TRAPPC9: variants seen among roughly 807,000 people sequenced by gnomAD.
TRAPPC9 encodes the protein IKK2 binding protein.
TRAPPC9 carries 83 observed loss-of-function variants against 124.0 expected under a neutral mutation model. That is an observed-to-expected ratio of 0.67 (90% confidence interval 0.56 to 0.80). TRAPPC9 has a LOEUF of 0.80. Among genes scored for constraint, TRAPPC9 ranks in the 30% least tolerant of loss-of-function variants. The probability of loss-of-function intolerance (pLI) is 0.00; values close to 1 mark genes in which losing one functional copy is unlikely to be tolerated. For synonymous variants in TRAPPC9, 638 were observed against 617.5 expected (o/e 1.03, Z -0.49); for missense variants, 1,302 against 1,508.3 (o/e 0.86, Z 2.27).
At chr8:140,036,066 C>T (rs921722660) in intron 17 of TRAPPC9, among the ~76,000 whole-genome samples, 7 of 152,168 alleles carry the variant, frequency 4.6e-5, no homozygotes, top group African/African-American at 9.7e-5. Context: ...ACACTGGCTA[C>T]GAGGGTCCAT....
intron 19 of TRAPPC9, among the ~76,000 whole-genome samples, chr8:139,982,370 G>C (rs1338154007): frequency 1.3e-5 from 2 of 152,146 alleles, no homozygotes; most frequent in African/African-American, 4.8e-5. Flanking sequence ...GCATGCCCCT[G>C]GTGGGTCTCG....
chr8:140,383,113 G>C (rs566000572), intron 7 of TRAPPC9, among the ~76,000 whole-genome samples: 2 of 152,242 alleles, frequency 1.3e-5, no homozygotes, highest in African/African-American at 2.4e-5. Flanking sequence ...CTGACTGTTA[G>C]AAGGAAAACT....
At chr8:139,915,058 G>A (rs184506139) in intron 19 of TRAPPC9, among the ~76,000 whole-genome samples, 7 of 152,354 alleles carry the variant, frequency 4.6e-5, no homozygotes, top group African/African-American at 1.7e-4. Context: ...GAAAAGGCCA[G>A]TGAGGAAACC....
intron 17 of TRAPPC9, among the ~76,000 whole-genome samples, chr8:140,057,353 T>G (rs539795267): frequency 6.6e-6 from 1 of 152,206 alleles, no homozygotes; most frequent in Non-Finnish European, 1.5e-5. Flanking sequence ...TCCAAAAGAA[T>G]TGAAATCAGG....
chr8:139,859,081 G>T (rs1587005055), intron 21 of TRAPPC9, among the ~76,000 whole-genome samples: 1 of 151,440 alleles, frequency 6.6e-6, no homozygotes. Context: ...TCTAGGAGTG[G>T]CGTGGAGGCC....
intron 16 of TRAPPC9, among the ~76,000 whole-genome samples, chr8:140,238,744 C>A (rs187967992): frequency 1.3e-5 from 2 of 152,188 alleles, no homozygotes; most frequent in Non-Finnish European, 2.9e-5. Flanking sequence ...AACAACAATG[C>A]GCCCCTCTTG....
chr8:140,397,872 C>T, intron 6 of TRAPPC9, 127 bp from the exon 7 acceptor site: 2 of 1,228,394 alleles, frequency 1.6e-6, no homozygotes, highest in East Asian at 4.8e-5. Context: ...CTCCAGATAC[C>T]CCTCCTGATA....
At chr8:140,308,406 G>T (rs999317501) in intron 10 of TRAPPC9, among the ~76,000 whole-genome samples, 1 of 151,384 alleles carries the variant, frequency 6.6e-6, no homozygotes, top group Non-Finnish European at 1.5e-5. Flanking sequence ...CTGAGGTTCC[G>T]TGGGTTTACC....
intron 17 of TRAPPC9, among the ~76,000 whole-genome samples, chr8:140,203,337 G>T (rs1318536371): frequency 2.0e-5 from 3 of 152,202 alleles, no homozygotes; most frequent in African/African-American, 7.2e-5. Context: ...CTCTGGGCAG[G>T]AGGAATGTGA....
chr8:139,810,524 C>T (rs185241298), intron 21 of TRAPPC9, among the ~76,000 whole-genome samples: 5 of 152,288 alleles, frequency 3.3e-5, no homozygotes, highest in Admixed American at 2.6e-4. Flanking sequence ...AGGGCTCCCC[C>T]ATCCCCTGAG....
At chr8:139,841,904 A>C (rs1423003539) in intron 21 of TRAPPC9, among the ~76,000 whole-genome samples, 1 of 152,222 alleles carries the variant, frequency 6.6e-6, no homozygotes, top group African/African-American at 2.4e-5. Context: ...GCCACAGGAC[A>C]ATGTCCAGGT....
At chr8:140,389,683 C>T (rs1441780659) in intron 7 of TRAPPC9, among the ~76,000 whole-genome samples, 1 of 152,140 alleles carries the variant, frequency 6.6e-6, no homozygotes, top group African/African-American at 2.4e-5. Context: ...TAATATTCAG[C>T]TCAGCTCTAA....
At chr8:140,195,584 T>C (rs1587899294) in intron 17 of TRAPPC9, among the ~76,000 whole-genome samples, 1 of 150,870 alleles carries the variant, frequency 6.6e-6, no homozygotes. Context: ...ACTGTACAGA[T>C]CACACCTGTG....
intron 9 of TRAPPC9, among the ~76,000 whole-genome samples, chr8:140,344,457 C>T (rs561559432): frequency 6.6e-6 from 1 of 152,294 alleles, no homozygotes; most frequent in Admixed American, 6.5e-5. Context: ...GCCCCTGTCA[C>T]ACAGTGCTCC....
chr8:140,076,081 C>T (rs1843489780), intron 17 of TRAPPC9, among the ~76,000 whole-genome samples: 1 of 152,212 alleles, frequency 6.6e-6, no homozygotes, highest in Non-Finnish European at 1.5e-5. Context: ...GAGGTGCTAT[C>T]ACGATCCCCA....
intron 9 of TRAPPC9, among the ~76,000 whole-genome samples, chr8:140,320,274 C>A (rs1481459338): frequency 1.3e-5 from 2 of 152,166 alleles, no homozygotes; most frequent in Non-Finnish European, 2.9e-5. Context: ...AGGGCTTTGT[C>A]CCCTGGTGTC....
At chr8:140,309,335 G>A (rs6997950) in intron 10 of TRAPPC9, among the ~76,000 whole-genome samples, 1,804 of 152,314 alleles carry the variant, frequency 0.012, 44 homozygotes, top group African/African-American at 0.042. Context: ...GCTTAAAGAT[G>A]AAGAAAACGA....
At chr8:139,748,499 G>A (rs947391736) in intron 21 of TRAPPC9, among the ~76,000 whole-genome samples, 2 of 150,242 alleles carry the variant, frequency 1.3e-5, no homozygotes, top group Non-Finnish European at 3.0e-5. Context: ...CAGGTAGGGG[G>A]GGCATACAGG....
intron 19 of TRAPPC9, among the ~76,000 whole-genome samples, chr8:139,967,166 G>A (rs752723970): frequency 5.9e-5 from 9 of 152,158 alleles, no homozygotes; most frequent in Non-Finnish European, 1.3e-4. Flanking sequence ...AGAGCATAAT[G>A]GAAGTCACAC....
Sources: gnomAD v4.1 joint callset for allele counts (sites outside exome capture counted in the v4.1 genomes callset) on GRCh38, gnomAD v4.1.1 for gene constraint, MANE v1.5 for transcripts, NCBI Gene and HGNC (gene_info 2026-07-23, HGNC 2026-07-21) for gene names.